ANOS1: variants seen among roughly 807,000 people sequenced by gnomAD.
ANOS1 encodes anosmin 1.
A neutral mutation model predicts 59.0 loss-of-function variants in ANOS1; 6 were observed. The observed-to-expected ratio is 0.10, with a 90% CI of 0.06 to 0.20. ANOS1 has a LOEUF of 0.20. ANOS1 is among the 10% of genes least tolerant of loss of function. The probability of loss-of-function intolerance (pLI) is 1.00; values close to 1 mark genes in which losing one functional copy is unlikely to be tolerated. For missense variants in ANOS1, 433 were observed against 542.3 expected, an observed-to-expected ratio of 0.80 and a Z score of 2.00; for synonymous variants, 217 against 223.4, an observed-to-expected ratio of 0.97 and a Z score of 0.25.
chrX:8,557,441 A>G (rs1929967142), intron 8 of ANOS1, among the ~76,000 whole-genome samples: 1 of 112,132 alleles, frequency 8.9e-6, no homozygotes, highest in African/African-American at 3.2e-5. Flanking sequence ...AAGGGCTAAT[A>G]ATATCCAGAA....
At chrX:8,624,442 T>G (rs959991513) in intron 2 of ANOS1, among the ~76,000 whole-genome samples, 78 of 112,248 alleles carry the variant, frequency 6.9e-4, no homozygotes, top group Non-Finnish European at 1.3e-3. Flanking sequence ...GAAAATGCAT[T>G]GTATTAAATT....
At chrX:8,553,025 C>G (rs1929881943) in intron 9 of ANOS1, among the ~76,000 whole-genome samples, 1 of 109,899 alleles carries the variant, frequency 9.1e-6, no homozygotes, top group African/African-American at 3.3e-5. Context: ...CATGGCCCAT[C>G]AATACCTTGA....
intron 8 of ANOS1, 133 bp from the exon 9 acceptor site, chrX:8,554,231 T>C (rs1929903749): frequency 3.7e-6 from 2 of 537,404 alleles, no homozygotes; most frequent in Non-Finnish European, 6.4e-6. Context: ...GATTTCTCTA[T>C]TTCCAACGGA....
Position 8,665,598 on chromosome X carries a change from T to C in ANOS1, c.255+34100A>G, listed in dbSNP as rs1473320249. Among the ~76,000 whole-genome samples the C allele has an allele frequency of 8.9e-5, 10 of 112,285 alleles. No homozygotes were observed. In the Admixed American group the frequency reaches 9.5e-4, roughly 11 times the overall value. On this transcript the variant is annotated intron_variant, in intron 2 of 13. Coordinates refer to ENST00000262648, the MANE Select transcript of ANOS1 (RefSeq NM_000216.4). Reference sequence around the variant, plus strand: ...CTTTTCTCATGCTCATAAAGACAATTGTTGAACTCTAAAACATCAAAATAT... The same window carrying C: ...CTTTTCTCATGCTCATAAAGACAATCGTTGAACTCTAAAACATCAAAATAT...
chrX:8,706,203 C>G (rs1200309144), intron 1 of ANOS1, among the ~76,000 whole-genome samples: 1 of 112,392 alleles, frequency 8.9e-6, no homozygotes, highest in Non-Finnish European at 1.9e-5. Flanking sequence ...AAAACAGGAA[C>G]AGATCTCACT....
intron 7 of ANOS1, 141 bp downstream of exon 7, chrX:8,570,358 C>A (rs1221300308): frequency 3.5e-6 from 2 of 567,975 alleles, no homozygotes; most frequent in Non-Finnish European, 6.0e-6. Context: ...CTGTGAACTT[C>A]CTCGGTAGAA....
At chrX:8,683,275 G>GT (rs1306535000) in intron 2 of ANOS1, among the ~76,000 whole-genome samples, 1 of 111,092 alleles carries the variant, frequency 9.0e-6, no homozygotes, top group African/African-American at 3.3e-5. Flanking sequence ...AGGATTTTGA[G>GT]TTTTTTAGCT....
chrX:8,550,238 T>C (rs1245708781), intron 9 of ANOS1, among the ~76,000 whole-genome samples: 1 of 111,616 alleles, frequency 9.0e-6, no homozygotes, highest in Non-Finnish European at 1.9e-5. Context: ...GGAAAAAGTA[T>C]GCCATCTATA....
rs139758614 is a variant in ANOS1, at chrX:8,692,380, T to A, written c.255+7318A>T. Among the ~76,000 whole-genome samples, 668 of 111,284 alleles carry A rather than the reference T, an allele frequency of 6.0e-3. 5 individuals are homozygous for A. The highest frequency in any genetic ancestry group is 0.021 in the African/African-American group (632 of 30,634). Reference sequence around the variant, plus strand: ...AGACAAAGATGGTTACTATCTGGTGTTTTTTTAGAAGTCATTTGCTAACCC... The same window carrying A: ...AGACAAAGATGGTTACTATCTGGTGATTTTTTAGAAGTCATTTGCTAACCC... On this transcript the variant is annotated intron_variant, in intron 2 of 13. Coordinates refer to ENST00000262648, the MANE Select transcript of ANOS1 (RefSeq NM_000216.4).
At chrX:8,710,605 A>G (rs6640216) in intron 1 of ANOS1, among the ~76,000 whole-genome samples, 45,730 of 110,398 alleles carry the variant, frequency 0.41, 7,079 homozygotes, top group East Asian at 0.61. Context: ...CTCGTTAATG[A>G]CATGTCATTG....
chrX:8,610,027 A>AAAC (rs1457048050), intron 3 of ANOS1, among the ~76,000 whole-genome samples: 1 of 89,238 alleles, frequency 1.1e-5, no homozygotes, highest in African/African-American at 4.1e-5. Context: ...AAAAAAAAAA[A>AAAC]AAAAAAAACA....
intron 2 of ANOS1, among the ~76,000 whole-genome samples, chrX:8,626,111 C>CAA (rs138234272): frequency 0.017 from 414 of 24,440 alleles, 47 homozygotes; most frequent in Non-Finnish European, 0.022. Context: ...GACTCTGTCT[C>CAA]AAAAAAAAAA....
At chrX:8,573,501 C>G (rs1305329768) in intron 6 of ANOS1, among the ~76,000 whole-genome samples, 1 of 111,628 alleles carries the variant, frequency 9.0e-6, no homozygotes, top group East Asian at 2.8e-4. Flanking sequence ...TCTACACTCA[C>G]TCTCTAGGGA....
intron 2 of ANOS1, among the ~76,000 whole-genome samples, chrX:8,654,860 T>A (rs929518974): frequency 6.2e-5 from 7 of 112,114 alleles, no homozygotes; most frequent in Admixed American, 9.5e-5. Context: ...TGAAAAAAAA[T>A]AATATTTTGT....
At chrX:8,647,094 C>T (rs1284704103) in intron 2 of ANOS1, among the ~76,000 whole-genome samples, 2 of 110,188 alleles carry the variant, frequency 1.8e-5, no homozygotes, top group African/African-American at 6.6e-5. Flanking sequence ...CTTGTATAGG[C>T]AGGGTGTCTC....
intron 2 of ANOS1, among the ~76,000 whole-genome samples, chrX:8,661,792 C>T (rs766962723): frequency 9.0e-6 from 1 of 111,554 alleles, no homozygotes; most frequent in Non-Finnish European, 1.9e-5. Context: ...AGCACTGTTA[C>T]TTCTAGGAGC....
intron 3 of ANOS1, among the ~76,000 whole-genome samples, chrX:8,614,061 T>C (rs1931116294): frequency 8.9e-6 from 1 of 111,917 alleles, no homozygotes; most frequent in South Asian, 3.7e-4. Context: ...AGAAGGCCAG[T>C]TCTGGATCAT....
Position 8,566,234 on chromosome X carries a change from T to C in ANOS1, c.1207+1998A>G, listed in dbSNP as rs1257637255. ...CTGTCTGTATGCAACACACAGATCT[T>C]TGTTATTATTTTACATATTTATCTC... On this transcript the variant is annotated intron_variant, in intron 8 of 13. Transcript: ENST00000262648. 7 of 750,818 alleles carry C rather than the reference T, an allele frequency of 9.3e-6. No individual in the cohort carries two copies. In the African/African-American group the frequency reaches 1.6e-4, roughly 17 times the overall value. The allele number at this position is 750,818 out of a possible 1,213,427, so 61.9% of individuals were successfully genotyped here. A position where few individuals can be genotyped will look rare whatever the true frequency, so the allele number is the denominator to read the frequency against.
chrX:8,665,924 A>T (rs1041354467), intron 2 of ANOS1, among the ~76,000 whole-genome samples: 19 of 112,142 alleles, frequency 1.7e-4, no homozygotes, highest in Non-Finnish European at 3.0e-4. Flanking sequence ...GAGAAAGACC[A>T]GACTTGGTGG....
Sources: allele counts gnomAD v4.1 joint callset (sites outside exome capture counted in the v4.1 genomes callset), GRCh38; gene constraint gnomAD v4.1.1; transcripts MANE v1.5; gene names NCBI Gene and HGNC (gene_info 2026-07-23, HGNC 2026-07-21).